Variants in RNGTT observed in about 807,000 individuals in gnomAD.
The protein encoded by RNGTT is mRNA-capping enzyme.
In RNGTT, 33 loss-of-function variants were observed where a neutral mutation model predicts 79.3. The observed-to-expected ratio is 0.42, with a 90% confidence interval of 0.32 to 0.56. The LOEUF (loss-of-function observed/expected upper bound fraction) is 0.56, where lower values mean the gene tolerates loss of function less well. RNGTT is among the 20% of genes least tolerant of loss of function. RNGTT has a pLI of 0.17. For synonymous variants in RNGTT, 222 were observed against 235.9 expected (o/e 0.94, Z 0.54); for missense variants, 497 against 739.1 (o/e 0.67, Z 3.80).
intron 12 of RNGTT, among the ~76,000 whole-genome samples, chr6:88,789,148 G>A (rs1350479053): frequency 2.0e-5 from 3 of 152,018 alleles, no homozygotes; most frequent in Non-Finnish European, 4.4e-5. Flanking sequence ...GGCCGGGCAC[G>A]GTGACTTACA....
At chr6:88,888,396 C>T (rs920691312) in intron 8 of RNGTT, among the ~76,000 whole-genome samples, 1 of 152,136 alleles carries the variant, frequency 6.6e-6, no homozygotes, top group African/African-American at 2.4e-5. Context: ...TGAACATAAT[C>T]TAACCCAACA....
At chr6:88,869,772 T>A (rs144875147) in intron 8 of RNGTT, among the ~76,000 whole-genome samples, 69 of 152,228 alleles carry the variant, frequency 4.5e-4, no homozygotes, top group African/African-American at 1.7e-3. Flanking sequence ...TATGGACTCA[T>A]AACATTAAGG....
chr6:88,873,697 T>G (rs1159562437), intron 8 of RNGTT, among the ~76,000 whole-genome samples: 1 of 152,168 alleles, frequency 6.6e-6, no homozygotes, highest in East Asian at 1.9e-4. Flanking sequence ...TTTTCTAACT[T>G]TTCTACAATG....
intron 14 of RNGTT, among the ~76,000 whole-genome samples, chr6:88,655,082 T>C (rs373184259): frequency 5.3e-5 from 8 of 152,286 alleles, no homozygotes; most frequent in Middle Eastern, 6.8e-3. Flanking sequence ...TTAGTAAAAA[T>C]AAGTATTGAT....
intron 8 of RNGTT, among the ~76,000 whole-genome samples, chr6:88,886,033 C>T (rs1174649413): frequency 4.6e-5 from 7 of 152,144 alleles, no homozygotes; most frequent in African/African-American, 9.7e-5. Context: ...AGGCCGGGCG[C>T]GGTGGCTCAC....
intron 14 of RNGTT, among the ~76,000 whole-genome samples, chr6:88,616,523 T>TA (rs1562150728): frequency 6.6e-6 from 1 of 151,992 alleles, no homozygotes; most frequent in African/African-American, 2.4e-5. Context: ...CCTTTTTTTT[T>TA]TAAAAAAAAT....
intron 11 of RNGTT, among the ~76,000 whole-genome samples, chr6:88,819,698 A>G (rs1218947388): frequency 2.0e-5 from 3 of 152,062 alleles, no homozygotes; most frequent in Non-Finnish European, 4.4e-5. Context: ...CTAGTGTCCA[A>G]GATCCTAAAT....
At chr6:88,866,191 TA>T (rs1782158486) in intron 8 of RNGTT, among the ~76,000 whole-genome samples, 1 of 152,170 alleles carries the variant, frequency 6.6e-6, no homozygotes, top group South Asian at 2.1e-4. Flanking sequence ...TTCCGTGGGA[TA>T]GAATATGCTT....
Position 88,641,359 on chromosome 6 carries a change from A to AAAT in RNGTT, c.1507-26965_1507-26964insATT, listed in dbSNP as rs1554200232. On this transcript the variant is annotated intron_variant, in intron 14 of 15. Transcript: ENST00000369485. ...GTCTTAAAAAAAAAAAAAAAAAAAA[A>AAAT]TAACCATGGTGAAGCTGAAATATAC... is the stretch of plus-strand genomic sequence containing the variant. 3.4e-5 allele frequency among the ~76,000 whole-genome samples: 5 copies of AAAT among 145,786 alleles called. 1 individual carries two copies. The highest frequency in any genetic ancestry group is 3.1e-5 in the Non-Finnish European group (2 of 65,392).
Position 88,677,507 on chromosome 6 carries a change from C to T in RNGTT, c.1506+846G>A, listed in dbSNP as rs538047361. 2.0e-5 allele frequency among the ~76,000 whole-genome samples: 3 copies of T among 152,272 alleles called. No individual in the cohort carries two copies. In the East Asian group the frequency reaches 5.8e-4, roughly 29 times the overall value. ...TTCAAGGCAGAGTCTCACTCTGTCACCCAGGCTGGAATGCAGTGGTGTGAT... is the reference window on the plus strand; with the variant it reads ...TTCAAGGCAGAGTCTCACTCTGTCATCCAGGCTGGAATGCAGTGGTGTGAT... On this transcript the variant is annotated intron_variant, in intron 14 of 15. Transcript: ENST00000369485.
intron 13 of RNGTT, among the ~76,000 whole-genome samples, chr6:88,679,581 A>G (rs1290585892): frequency 3.3e-5 from 5 of 152,056 alleles, no homozygotes; most frequent in Non-Finnish European, 5.9e-5. Context: ...GGTCTAATAT[A>G]AAAAAATGGT....
chr6:88,647,741 GAGGA>G (rs1320526777), intron 14 of RNGTT, among the ~76,000 whole-genome samples: 1 of 141,234 alleles, frequency 7.1e-6, no homozygotes, highest in African/African-American at 2.8e-5. Flanking sequence ...AGAAGGAAGG[GAGGA>G]AGGGAGAGAG....
intron 13 of RNGTT, among the ~76,000 whole-genome samples, chr6:88,725,161 C>T (rs1233435946): frequency 6.6e-6 from 1 of 152,224 alleles, no homozygotes; most frequent in African/African-American, 2.4e-5. Context: ...CTTCCCGGGG[C>T]GGTCTCTGGT....
At chr6:88,843,014 G>A (rs1442216427) in intron 11 of RNGTT, among the ~76,000 whole-genome samples, 1 of 152,248 alleles carries the variant, frequency 6.6e-6, no homozygotes, top group East Asian at 1.9e-4. Context: ...GGTCAAGGCT[G>A]TGGTGAGCCG....
At chr6:88,702,039 A>G (rs988501874) in intron 13 of RNGTT, among the ~76,000 whole-genome samples, 3 of 152,184 alleles carry the variant, frequency 2.0e-5, no homozygotes, top group Non-Finnish European at 4.4e-5. Flanking sequence ...AAGGAGATCT[A>G]TAAAACATGA....
chr6:88,722,396 T>A (rs1390617486), intron 13 of RNGTT, among the ~76,000 whole-genome samples: 1 of 152,118 alleles, frequency 6.6e-6, no homozygotes, highest in Non-Finnish European at 1.5e-5. Flanking sequence ...ATACATGACT[T>A]TTCTAAGACT....
In RNGTT at chr6:88,611,641, T is replaced by C. The variant is rs953697741; in HGVS notation, c.*1078A>G. On this transcript the variant is annotated 3_prime_UTR_variant, in exon 16 of 16. Transcript: ENST00000369485. ...AGAATTCTCGCTTTGAAAATAAATG[T>C]CTTGATTTCCTTGATATTTAGTTCC... 1 of 152,438 alleles carries C rather than the reference T, an allele frequency of 6.6e-6. No individual in the cohort carries two copies. Among genetic ancestry groups the C allele is most frequent in the Non-Finnish European group, 1.5e-5 (1 of 68,042 alleles). The allele number at this position is 152,438 out of a possible 1,614,324, so 9.4% of individuals were successfully genotyped here. A position where few individuals can be genotyped will look rare whatever the true frequency, so the allele number is the denominator to read the frequency against.
chr6:88,860,783 G>A (rs1218933797), intron 8 of RNGTT, among the ~76,000 whole-genome samples: 2 of 151,050 alleles, frequency 1.3e-5, no homozygotes, highest in African/African-American at 4.9e-5. Flanking sequence ...AGACTAGCCT[G>A]GCCAAGATAG....
intron 6 of RNGTT, among the ~76,000 whole-genome samples, chr6:88,897,070 T>C (rs1783276405): frequency 6.6e-6 from 1 of 152,242 alleles, no homozygotes; most frequent in Non-Finnish European, 1.5e-5. Context: ...TTACTGTCAC[T>C]CTGCTCACTT....
Sources: allele counts gnomAD v4.1 joint callset (sites outside exome capture counted in the v4.1 genomes callset), GRCh38; gene constraint gnomAD v4.1.1; transcripts MANE v1.5; gene names NCBI Gene and HGNC (gene_info 2026-07-23, HGNC 2026-07-21).